CBLN2: variants seen among roughly 807,000 people sequenced by gnomAD.
The protein encoded by CBLN2 is cerebellin-2.
In CBLN2, 7 loss-of-function variants were observed where a neutral mutation model predicts 15.0. The ratio of observed to expected loss-of-function variants is 0.47; its 90% CI spans 0.27 to 0.88. CBLN2 has a LOEUF of 0.88. Ranked by LOEUF, CBLN2 falls within the 40% of genes least tolerant of loss-of-function variation. The pLI, the probability that CBLN2 is intolerant of heterozygous loss-of-function variation, is 0.14. For missense variants in CBLN2, 242 were observed against 304.5 expected (o/e 0.79, Z 1.53); for synonymous variants, 149 against 135.2 (o/e 1.10, Z -0.71).
At chr18:72,569,503 C>T (rs2069316753) in intron 1 of CBLN2, among the ~76,000 whole-genome samples, 1 of 152,018 alleles carries the variant, frequency 6.6e-6, no homozygotes, top group African/African-American at 2.4e-5. Context: ...TAAAGGAATA[C>T]CTGAGAATGA....
intron 1 of CBLN2, among the ~76,000 whole-genome samples, chr18:72,613,263 A>G (rs1240381053): frequency 6.6e-6 from 1 of 152,140 alleles, no homozygotes; most frequent in Non-Finnish European, 1.5e-5. Flanking sequence ...GGGGGCAAAT[A>G]ATAACCTTCT....
At chr18:72,605,995 A>T (rs556835326) in intron 1 of CBLN2, among the ~76,000 whole-genome samples, 1 of 152,332 alleles carries the variant, frequency 6.6e-6, no homozygotes, top group South Asian at 2.1e-4. Flanking sequence ...AAAGCATTCA[A>T]TCACTCCAGT....
chr18:72,630,688 T>C (rs2069770409), intron 1 of CBLN2, among the ~76,000 whole-genome samples: 1 of 152,102 alleles, frequency 6.6e-6, no homozygotes, highest in Non-Finnish European at 1.5e-5. Flanking sequence ...ACATGAAACC[T>C]CTTGATTTGT....
chr18:72,624,028 A>T (rs2069717921), intron 1 of CBLN2, among the ~76,000 whole-genome samples: 1 of 152,288 alleles, frequency 6.6e-6, no homozygotes, highest in Non-Finnish European at 1.5e-5. Context: ...AACATCCTCA[A>T]CAAGAGCCTT....
At chr18:72,594,240 C>T (rs151148734) in intron 1 of CBLN2, among the ~76,000 whole-genome samples, 1 of 152,156 alleles carries the variant, frequency 6.6e-6, no homozygotes, top group Non-Finnish European at 1.5e-5. Flanking sequence ...ATGTAACAAA[C>T]CTGCACATTC....
intron 1 of CBLN2, among the ~76,000 whole-genome samples, chr18:72,570,398 T>A (rs2069323986): frequency 6.7e-6 from 1 of 148,470 alleles, no homozygotes; most frequent in African/African-American, 2.5e-5. Context: ...CCACCACGCC[T>A]GGCTAATTTT....
chr18:72,562,489 T>C (rs886874646), intron 1 of CBLN2, among the ~76,000 whole-genome samples: 1 of 152,204 alleles, frequency 6.6e-6, no homozygotes, highest in Admixed American at 6.5e-5. Flanking sequence ...TTAAGTATGA[T>C]TTCTCAGTAT....
chr18:72,634,070 T>C (rs916833508), intron 1 of CBLN2, among the ~76,000 whole-genome samples: 2 of 152,036 alleles, frequency 1.3e-5, no homozygotes, highest in African/African-American at 4.8e-5. Flanking sequence ...AAAAATTCAT[T>C]TTTAAAACAA....
At chr18:72,565,119 T>A (rs891107346) in intron 1 of CBLN2, among the ~76,000 whole-genome samples, 28 of 152,278 alleles carry the variant, frequency 1.8e-4, no homozygotes, top group Non-Finnish European at 2.8e-4. Flanking sequence ...AAGATCAGCA[T>A]TACAAAAAGT....
At chr18:72,552,231 GCAC>G (rs1264237022) in intron 1 of CBLN2, among the ~76,000 whole-genome samples, 1 of 151,556 alleles carries the variant, frequency 6.6e-6, no homozygotes, top group Non-Finnish European at 1.5e-5. Flanking sequence ...TTACAGGCAT[GCAC>G]CACCAAGCCC....
intron 1 of CBLN2, among the ~76,000 whole-genome samples, chr18:72,562,425 T>G (rs576638832): frequency 1.3e-5 from 2 of 152,282 alleles, no homozygotes; most frequent in African/African-American, 4.8e-5. Context: ...AACATTTTGT[T>G]TGGGAAGAAT....
chr18:72,587,722 C>A (rs931025882), intron 1 of CBLN2, among the ~76,000 whole-genome samples: 1 of 152,130 alleles, frequency 6.6e-6, no homozygotes, highest in African/African-American at 2.4e-5. Context: ...GATAATAACT[C>A]TGCAAGGAAA....
upstream of CBLN2, among the ~76,000 whole-genome samples, chr18:72,548,353 CACTA>C (rs1357030221): frequency 6.6e-6 from 1 of 152,150 alleles, no homozygotes; most frequent in Non-Finnish European, 1.5e-5. Flanking sequence ...TATTTGCTAG[CACTA>C]ACTAGTTATT....
At chr18:72,550,740 G>A (rs1305967367) in intron 1 of CBLN2, among the ~76,000 whole-genome samples, 1 of 150,716 alleles carries the variant, frequency 6.6e-6, no homozygotes, top group African/African-American at 2.4e-5. Context: ...TCCTCTATGT[G>A]CCTTTAGGGA....
At position 72,543,625 on chromosome 18, in the gene CBLN2, G is replaced by T. The variant is rs1229967098; in HGVS notation, c.-211-95C>A. On this transcript the variant is annotated intron_variant, in intron 1 of 4. Coordinates refer to ENST00000269503, the MANE Select transcript of CBLN2 (RefSeq NM_182511.4). This position sits in a 1 kb window ranked among gnomAD's most constrained non-coding sequence, Gnocchi z 6.8. Reference sequence around the variant, plus strand: ...GCGTGGCCAATAACCGCGCCGCCCCGCCCTGCCGCTTTCCCGCGCCAGCCT... The same window carrying T: ...GCGTGGCCAATAACCGCGCCGCCCCTCCCTGCCGCTTTCCCGCGCCAGCCT... 4 of 388,578 alleles carry T rather than the reference G, an allele frequency of 1.0e-5. No homozygotes were observed. The highest frequency in any genetic ancestry group is 1.8e-5 in the Non-Finnish European group (4 of 219,946). The allele number at this position is 388,578 out of a possible 1,614,324, so 24.1% of individuals were successfully genotyped here. A position where few individuals can be genotyped will look rare whatever the true frequency, so the allele number is the denominator to read the frequency against.
At chr18:72,555,166 G>A (rs2069217450) in intron 1 of CBLN2, among the ~76,000 whole-genome samples, 1 of 151,660 alleles carries the variant, frequency 6.6e-6, no homozygotes, top group South Asian at 2.1e-4. Context: ...CAGAGAGAGA[G>A]AGAGAGAGGG....
At chr18:72,564,309 G>A (rs1375944661) in intron 1 of CBLN2, among the ~76,000 whole-genome samples, 1 of 152,002 alleles carries the variant, frequency 6.6e-6, no homozygotes, top group Non-Finnish European at 1.5e-5. Flanking sequence ...TGAAATCATG[G>A]AAATAACTTA....
At chr18:72,638,478 G>A (rs997010103) in exon 1 of CBLN2, 10 of 395,478 alleles carry the variant, frequency 2.5e-5, no homozygotes, top group South Asian at 1.4e-4. Flanking sequence ...ACTGACGGAC[G>A]CAAAGTCCTG....
chr18:72,580,052 A>G (rs1389544074), intron 1 of CBLN2, among the ~76,000 whole-genome samples: 3 of 151,966 alleles, frequency 2.0e-5, no homozygotes, highest in Non-Finnish European at 4.4e-5. Context: ...TCAAAAGAAG[A>G]TATGATTATA....
Sources: allele counts gnomAD v4.1 joint callset (sites outside exome capture counted in the v4.1 genomes callset), GRCh38; gene constraint gnomAD v4.1.1; non-coding constraint Gnocchi (gnomAD v3.1); transcripts MANE v1.5; gene names NCBI Gene and HGNC (gene_info 2026-07-23, HGNC 2026-07-21).